NRG3: variants seen among roughly 807,000 people sequenced by gnomAD.
NRG3 encodes pro-neuregulin-3, membrane-bound isoform.
NRG3 carries 31 observed loss-of-function variants against 66.9 expected under a neutral mutation model. The ratio of observed to expected loss-of-function variants is 0.46; its 90% CI spans 0.35 to 0.63. NRG3 has a LOEUF of 0.63. Ranked by LOEUF, NRG3 falls within the 20% of genes least tolerant of loss-of-function variation. The probability of loss-of-function intolerance (pLI) is 0.00; values close to 1 mark genes in which losing one functional copy is unlikely to be tolerated. For missense variants in NRG3, 910 were observed against 878.9 expected, an observed-to-expected ratio of 1.04 and a Z score of -0.45; for synonymous variants, 393 against 359.4, an observed-to-expected ratio of 1.09 and a Z score of -1.06.
At chr10:82,571,205 C>T (rs776744782) in intron 2 of NRG3, among the ~76,000 whole-genome samples, 63 of 151,566 alleles carry the variant, frequency 4.2e-4, no homozygotes, top group Non-Finnish European at 4.0e-4. Flanking sequence ...AAAATCATCC[C>T]CTTAACTTAT....
At chr10:82,350,808 A>T (rs7917348) in intron 1 of NRG3, among the ~76,000 whole-genome samples, 1 of 151,804 alleles carries the variant, frequency 6.6e-6, no homozygotes, top group South Asian at 2.1e-4. Flanking sequence ...GAAAGGGTTT[A>T]TCAATCTCGT....
At chr10:82,693,441 C>A (rs2055106296) in intron 2 of NRG3, among the ~76,000 whole-genome samples, 1 of 152,076 alleles carries the variant, frequency 6.6e-6, no homozygotes, top group Admixed American at 6.6e-5. Context: ...TTATTTCTAC[C>A]TGAAGAGCAC....
chr10:82,643,044 C>T (rs1262425883), intron 2 of NRG3, among the ~76,000 whole-genome samples: 2 of 151,996 alleles, frequency 1.3e-5, no homozygotes, highest in Non-Finnish European at 2.9e-5. Flanking sequence ...CTTCTGCCTA[C>T]CTTTACATAT....
At chr10:82,224,778 AT>A (rs1420088494) in intron 1 of NRG3, among the ~76,000 whole-genome samples, 3 of 152,164 alleles carry the variant, frequency 2.0e-5, no homozygotes, top group African/African-American at 7.2e-5. Context: ...AAAGTATCTG[AT>A]AAAAATTCAA....
At chr10:82,368,995 A>G (rs1326855787) in intron 2 of NRG3, among the ~76,000 whole-genome samples, 1 of 138,688 alleles carries the variant, frequency 7.2e-6, no homozygotes, top group Admixed American at 6.8e-5. Context: ...CTCTGGGGCT[A>G]CTGAAAGGAT....
At chr10:82,846,756 C>T (rs1008911777) in intron 3 of NRG3, among the ~76,000 whole-genome samples, 2 of 152,144 alleles carry the variant, frequency 1.3e-5, no homozygotes, top group African/African-American at 2.4e-5. Context: ...AGGATATCCA[C>T]TTATAAACGA....
intron 2 of NRG3, among the ~76,000 whole-genome samples, chr10:82,645,041 C>T (rs559893150): frequency 1.1e-4 from 17 of 152,230 alleles, no homozygotes; most frequent in African/African-American, 3.6e-4. Flanking sequence ...TGAGAAAACC[C>T]ATTGATGCTA....
chr10:82,696,334 G>A (rs992924634), intron 2 of NRG3, among the ~76,000 whole-genome samples: 13 of 152,026 alleles, frequency 8.6e-5, no homozygotes, highest in African/African-American at 3.1e-4. Context: ...CATGATGTAT[G>A]TGTATATACT....
At position 82,952,495 on chromosome 10, in the gene NRG3, G is replaced by C. The variant is rs997053115; in HGVS notation, c.1157+924G>C. Among the ~76,000 whole-genome samples, 178 of 150,394 alleles carry C rather than the reference G, an allele frequency of 1.2e-3. 5 individuals carry two copies. Among genetic ancestry groups the C allele is most frequent in the African/African-American group, 4.0e-3 (163 of 40,716 alleles). ...TCTGTGTGTGTGTGTGTGTGTGTGTGTGTGTGTGTGTGTGTGTGTGTGTGT... is the reference window on the plus strand; with the variant it reads ...TCTGTGTGTGTGTGTGTGTGTGTGTCTGTGTGTGTGTGTGTGTGTGTGTGT... On this transcript the variant is annotated intron_variant, in intron 5 of 8. Transcript: ENST00000372141.
At chr10:82,630,383 T>G (rs1253764507) in intron 2 of NRG3, among the ~76,000 whole-genome samples, 2 of 139,330 alleles carry the variant, frequency 1.4e-5, no homozygotes, top group African/African-American at 5.4e-5. Flanking sequence ...CAGATAAAAA[T>G]AGCAGTAACT....
At chr10:81,879,202 G>A (rs1841963919) in intron 1 of NRG3, among the ~76,000 whole-genome samples, 1 of 152,152 alleles carries the variant, frequency 6.6e-6, no homozygotes, top group African/African-American at 2.4e-5. Flanking sequence ...TTGCACTTCA[G>A]ACTCTAAAAA....
Position 82,922,163 on chromosome 10 carries a change from CTA to C in NRG3, c.1055-29294_1055-29293del, listed in dbSNP as rs199880967. Among the ~76,000 whole-genome samples the C allele has an allele frequency of 2.0e-3, 308 of 151,316 alleles. 3 individuals carry two copies. The highest frequency in any genetic ancestry group is 7.2e-3 in the African/African-American group (298 of 41,290). On this transcript the variant is annotated intron_variant, in intron 4 of 8. Transcript: ENST00000372141. The stretch of plus-strand genomic sequence containing the variant: ...GAACCGGAAGAGGATGTATAATATT[CTA>C]TATATATATATGTACATATTTTTTA...
intron 1 of NRG3, among the ~76,000 whole-genome samples, chr10:81,901,671 A>G (rs952014356): frequency 6.6e-6 from 1 of 152,214 alleles, no homozygotes; most frequent in Non-Finnish European, 1.5e-5. Flanking sequence ...CCATCTCTAA[A>G]AAAGAAAAGT....
Position 82,958,972 on chromosome 10 carries a change from A to G in NRG3, c.1181A>G (p.Glu394Gly), listed in dbSNP as rs753793751. 54 of 1,600,920 alleles carry G rather than the reference A, an allele frequency of 3.4e-5. No individual in the cohort carries two copies. Among genetic ancestry groups the G allele is most frequent in the Non-Finnish European group, 4.3e-5 (51 of 1,176,280 alleles). ...AGGAAACAAGCTAAACAAATCCAAG[A>G]GCAGCTGAAAGTGCCACAAAATGGT... ...KSKKQAKQIQ[E>G]QLKVPQNGKS... is the part of the protein sequence containing the mutation. The change falls in exon 6 of 9, where the codon GAG becomes GGG. Residue 394 changes from glutamate to glycine, a missense_variant. Coordinates refer to ENST00000372141, the MANE Select transcript of NRG3 (RefSeq NM_001010848.4).
At chr10:82,204,259 A>G (rs1171500256) in intron 1 of NRG3, among the ~76,000 whole-genome samples, 1 of 152,212 alleles carries the variant, frequency 6.6e-6, no homozygotes. Context: ...GTCCTAAAAT[A>G]CCACTGTCTT....
At chr10:82,219,295 C>G (rs1421053047) in intron 1 of NRG3, among the ~76,000 whole-genome samples, 1 of 146,224 alleles carries the variant, frequency 6.8e-6, no homozygotes, top group Non-Finnish European at 1.5e-5. Flanking sequence ...GCTATGTGAC[C>G]CCTCAAAAAA....
chr10:82,307,077 T>G (rs1247388526), intron 1 of NRG3, among the ~76,000 whole-genome samples: 1 of 152,160 alleles, frequency 6.6e-6, no homozygotes, highest in African/African-American at 2.4e-5. Context: ...CTCTGTGCAT[T>G]TTCATATGTT....
In NRG3 at chr10:82,004,127, A is replaced by G. The variant is rs929203025; in HGVS notation, c.823+127964A>G. Among the ~76,000 whole-genome samples, 4 of 152,146 alleles carry G rather than the reference A, an allele frequency of 2.6e-5. No homozygotes were observed. The South Asian group carries it at 6.2e-4, about 24-fold the overall frequency. ...TTGGGTTGCAATAATCATTTAAAACATTAATTGGAGTAAAAGAGAAAATAG... is the reference window on the plus strand; with the variant it reads ...TTGGGTTGCAATAATCATTTAAAACGTTAATTGGAGTAAAAGAGAAAATAG... On this transcript the variant is annotated intron_variant, in intron 1 of 8. Coordinates refer to ENST00000372141, the MANE Select transcript of NRG3 (RefSeq NM_001010848.4).
chr10:82,107,951 G>C (rs1276399845), intron 1 of NRG3, among the ~76,000 whole-genome samples: 1 of 152,190 alleles, frequency 6.6e-6, no homozygotes, highest in Non-Finnish European at 1.5e-5. Context: ...TATTAAATGA[G>C]GGTGATGGCC....
Sources: gnomAD v4.1 joint callset for allele counts (sites outside exome capture counted in the v4.1 genomes callset) on GRCh38, gnomAD v4.1.1 for gene constraint, MANE v1.5 for transcripts, NCBI Gene and HGNC (gene_info 2026-07-23, HGNC 2026-07-21) for gene names.